CCDC171: variants seen among roughly 807,000 people sequenced by gnomAD.
CCDC171 encodes coiled-coil domain-containing protein 171.
In CCDC171, 177 loss-of-function variants were observed where a neutral mutation model predicts 168.2. That is an observed-to-expected ratio of 1.05 (90% CI 0.93 to 1.19). CCDC171 has a LOEUF of 1.19. Among genes scored for constraint, CCDC171 ranks in the 50% most tolerant of loss-of-function variants. The pLI is 0.00. For missense variants in CCDC171, 1,991 were observed against 1,539.0 expected (o/e 1.29, Z -4.91); for synonymous variants, 687 against 540.8 (o/e 1.27, Z -3.75).
chr9:15,655,714 G>A (rs1017695531), intron 7 of CCDC171, among the ~76,000 whole-genome samples: 3 of 152,068 alleles, frequency 2.0e-5, no homozygotes, highest in Admixed American at 6.6e-5. Flanking sequence ...TCAGTAATAC[G>A]AAAATAAACA....
At chr9:15,573,489 C>T (rs763692394) in intron 3 of CCDC171, among the ~76,000 whole-genome samples, 2 of 152,034 alleles carry the variant, frequency 1.3e-5, no homozygotes, top group Non-Finnish European at 2.9e-5. Context: ...ACCATGTTGG[C>T]TAGGCTGGTC....
At chr9:15,777,530 GA>G (rs1456275374) in intron 18 of CCDC171, 69 bp from the exon 19 acceptor site, 2 of 821,644 alleles carry the variant, frequency 2.4e-6, no homozygotes, top group African/African-American at 3.5e-5. Context: ...TTCATTATGT[GA>G]TTAGCAGTGT....
intron 10 of CCDC171, among the ~76,000 whole-genome samples, chr9:15,686,474 C>T (rs1448658892): frequency 3.3e-5 from 5 of 151,720 alleles, no homozygotes; most frequent in African/African-American, 1.2e-4. Flanking sequence ...GAGATCGCGC[C>T]ACTGCACTCC....
intron 4 of CCDC171, among the ~76,000 whole-genome samples, chr9:16,021,795 A>T (rs1426685581): frequency 6.6e-6 from 1 of 152,190 alleles, no homozygotes; most frequent in African/African-American, 2.4e-5. Flanking sequence ...ATGTCCCCCT[A>T]TCTCTGTACT....
In CCDC171 at chr9:15,874,671, T is replaced by TC; in HGVS notation, c.3600+9dup. Reference sequence around the variant, plus strand: ...GAGGTGGTAGCATGCCAGGTTAGAGTCTAAATAACATTGTTTGCTACTGAG... The same window carrying TC: ...GAGGTGGTAGCATGCCAGGTTAGAGTCCTAAATAACATTGTTTGCTACTGAG... On this transcript the variant is annotated intron_variant, in intron 24 of 25. Transcript: ENST00000380701. 1 of 1,564,378 alleles carries TC rather than the reference T, an allele frequency of 6.4e-7. No homozygotes were observed. Among genetic ancestry groups the TC allele is most frequent in the Non-Finnish European group, 8.6e-7 (1 of 1,156,886 alleles).
intron 25 of CCDC171, among the ~76,000 whole-genome samples, chr9:15,936,895 C>A (rs1827183569): frequency 6.6e-6 from 1 of 150,932 alleles, no homozygotes; most frequent in South Asian, 2.1e-4. Context: ...TGTTTGACAA[C>A]TTTTTTTTTA....
chr9:15,690,882 C>CA (rs1161298662), intron 10 of CCDC171, among the ~76,000 whole-genome samples: 1 of 152,024 alleles, frequency 6.6e-6, no homozygotes, highest in African/African-American at 2.4e-5. Context: ...GGCTAGTGAA[C>CA]ATGAAAGGAT....
chr9:15,914,255 T>A (rs960525869), intron 24 of CCDC171, among the ~76,000 whole-genome samples: 9 of 152,120 alleles, frequency 5.9e-5, no homozygotes, highest in African/African-American at 2.2e-4. Flanking sequence ...GCTGCCCCCC[T>A]TCCCCCAGGT....
chr9:15,697,156 A>C (rs2051278692), intron 11 of CCDC171, among the ~76,000 whole-genome samples: 1 of 152,148 alleles, frequency 6.6e-6, no homozygotes, highest in African/African-American at 2.4e-5. Context: ...AAAGCAGTCG[A>C]AGTGTTTATT....
intron 25 of CCDC171, among the ~76,000 whole-genome samples, chr9:15,925,322 A>G (rs1825770920): frequency 2.0e-5 from 3 of 151,572 alleles, no homozygotes. Context: ...GATGCAAAAG[A>G]ACAGTGATCT....
At chr9:15,761,910 T>C (rs939992782) in intron 18 of CCDC171, among the ~76,000 whole-genome samples, 3 of 152,182 alleles carry the variant, frequency 2.0e-5, no homozygotes, top group Non-Finnish European at 4.4e-5. Flanking sequence ...AACAGATATT[T>C]TGTATTTTAA....
At chr9:16,018,631 A>G (rs1356639143) in intron 3 of CCDC171, among the ~76,000 whole-genome samples, 5 of 152,246 alleles carry the variant, frequency 3.3e-5, no homozygotes, top group African/African-American at 7.2e-5. Context: ...GCTGTGTTGT[A>G]TAATTCCAGG....
At chr9:15,666,427 TGTCAGTG>T in intron 9 of CCDC171, 104 bp downstream of exon 9, 1 of 745,270 alleles carries the variant, frequency 1.3e-6, no homozygotes, top group Non-Finnish European at 2.1e-6. Context: ...CTCCCATTAA[TGTCAGTG>T]GTAGACTGGG....
chr9:15,940,953 C>T (rs1827644353), intron 25 of CCDC171, among the ~76,000 whole-genome samples: 1 of 151,906 alleles, frequency 6.6e-6, no homozygotes, highest in South Asian at 2.1e-4. Context: ...TCTGGTAGTT[C>T]CCACGACTGT....
At chr9:15,822,865 G>T (rs908686990) in intron 21 of CCDC171, among the ~76,000 whole-genome samples, 3 of 152,058 alleles carry the variant, frequency 2.0e-5, no homozygotes, top group African/African-American at 7.2e-5. Context: ...AAATCATGCT[G>T]CTGTAAAGAC....
intron 11 of CCDC171, among the ~76,000 whole-genome samples, chr9:15,721,168 G>C (rs962057531): frequency 6.6e-6 from 1 of 152,114 alleles, no homozygotes; most frequent in African/African-American, 2.4e-5. Flanking sequence ...CATGATGTAG[G>C]CTATGTAGAT....
At chr9:15,880,459 C>G (rs1029807015) in intron 24 of CCDC171, among the ~76,000 whole-genome samples, 6 of 66,578 alleles carry the variant, frequency 9.0e-5, no homozygotes, top group African/African-American at 1.5e-4. Flanking sequence ...TTCTCTCTCT[C>G]TCTCTTTTTT....
chr9:15,961,847 G>GA (rs201407307), intron 25 of CCDC171, among the ~76,000 whole-genome samples: 2 of 152,152 alleles, frequency 1.3e-5, no homozygotes, highest in Non-Finnish European at 2.9e-5. Context: ...AGAGAATAGA[G>GA]AAAAAAACCC....
In CCDC171 at chr9:15,971,821, T is replaced by G. The variant is rs1232439221; in HGVS notation, c.3966T>G (p.Thr1322=). The part of the protein sequence containing the change: ...VTMSANANRP[T]QIGL Reference sequence around the variant, plus strand: ...TGTCTGCTAATGCCAACAGACCAACTCAGATTGGATTATGACTTCATGAAA... The same window carrying G: ...TGTCTGCTAATGCCAACAGACCAACGCAGATTGGATTATGACTTCATGAAA... Residue 1322 remains threonine, a synonymous_variant, in exon 26 of 26, where the codon ACT becomes ACG. Coordinates refer to ENST00000380701, the MANE Select transcript of CCDC171 (RefSeq NM_173550.4). 1.2e-6 allele frequency: 2 copies of G among 1,612,372 alleles called. No homozygotes were observed. The highest frequency in any genetic ancestry group is 1.7e-6 in the Non-Finnish European group (2 of 1,178,588).
Sources: allele counts gnomAD v4.1 joint callset (sites outside exome capture counted in the v4.1 genomes callset), GRCh38; gene constraint gnomAD v4.1.1; transcripts MANE v1.5; gene names NCBI Gene and HGNC (gene_info 2026-07-23, HGNC 2026-07-21).